CLDN2: variants seen among roughly 807,000 people sequenced by gnomAD.
The protein encoded by CLDN2 is claudin-2.
CLDN2 carries 1 observed loss-of-function variant against 8.2 expected under a neutral mutation model. That is an observed-to-expected ratio of 0.12 (90% confidence interval 0.04 to 0.58). CLDN2 has a LOEUF of 0.58. Ranked by LOEUF, CLDN2 falls within the 20% of genes least tolerant of loss-of-function variation. The probability of loss-of-function intolerance (pLI) is 0.90; values close to 1 mark genes in which losing one functional copy is unlikely to be tolerated. For missense variants in CLDN2, 108 were observed against 172.9 expected, an observed-to-expected ratio of 0.62 and a Z score of 2.11; for synonymous variants, 70 against 70.2, an observed-to-expected ratio of 1.00 and a Z score of 0.01.
rs371828879 is a variant in CLDN2, at chrX:106,903,281, A to G, written c.-179+2777A>G. 6.7e-5 allele frequency: 80 copies of G among 1,200,371 alleles called. No individual in the cohort carries two copies. The Middle Eastern group carries it at 8.1e-4, about 12-fold the overall frequency. On this transcript the variant is annotated intron_variant, in intron 1 of 1. Transcript: ENST00000541806. ...GTGGCAGCAGCAGCACAGGCAGCAG[A>G]GTCCATTCTTAGGGGACCAAAGCCA...
At chrX:106,903,334 CT>C in intron 1 of CLDN2, 1 of 1,136,210 alleles carries the variant, frequency 8.8e-7, no homozygotes, top group Non-Finnish European at 1.2e-6. Context: ...CCAGAACCTT[CT>C]GCACTCTTTT....
In CLDN2 at chrX:106,928,507, G is replaced by A; in HGVS notation, c.279G>A (p.Leu93=). 8.3e-7 allele frequency: 1 copy of A among 1,211,696 alleles called. No homozygotes were observed. The highest frequency in any genetic ancestry group is 1.1e-6 in the Non-Finnish European group (1 of 895,517). Residue 93 remains leucine (L), a synonymous_variant, in exon 2 of 2, where the codon CTG becomes CTA. Coordinates refer to ENST00000336803, the MANE Select transcript of CLDN2 (RefSeq NM_020384.4). The stretch of plus-strand genomic sequence containing the variant: ...TGACATCCAGTGCAATCTCCTCCCT[G>A]GCCTGCATTATCTCTGTGGTGGGCA... ...MMVTSSAISS[L]ACIISVVGMR...
chrX:106,906,306 G>A (rs901320415), intron 1 of CLDN2, among the ~76,000 whole-genome samples: 2 of 110,957 alleles, frequency 1.8e-5, no homozygotes, highest in African/African-American at 3.3e-5. Flanking sequence ...CCTAGCTAAC[G>A]GACAGACAGG....
intron 1 of CLDN2, among the ~76,000 whole-genome samples, chrX:106,913,270 T>G (rs1933268713): frequency 9.0e-6 from 1 of 111,557 alleles, no homozygotes; most frequent in Non-Finnish European, 1.9e-5. Flanking sequence ...AATTTTTGTA[T>G]TTTTTCTACA....
At chrX:106,916,010 A>T (rs1933305201), upstream of CLDN2, among the ~76,000 whole-genome samples, 2 of 107,741 alleles carry the variant, frequency 1.9e-5, no homozygotes, top group South Asian at 8.5e-4. Flanking sequence ...CCCCCATGAC[A>T]TGTTTACCTA....
upstream of CLDN2, among the ~76,000 whole-genome samples, chrX:106,914,315 A>T (rs1933285638): frequency 9.0e-6 from 1 of 111,164 alleles, no homozygotes; most frequent in Non-Finnish European, 1.9e-5. Context: ...TCCCTTTGCC[A>T]TATAACTAAC....
intron 1 of CLDN2, chrX:106,902,183 G>A: frequency 8.4e-7 from 1 of 1,191,651 alleles, no homozygotes; most frequent in South Asian, 1.9e-5. Context: ...GTCATTTGTG[G>A]AAGACAGCCA....
chrX:106,928,543 A>C lies in CLDN2; in HGVS notation c.315A>C (p.Thr105=). 8.3e-7 allele frequency: 1 copy of C among 1,211,744 alleles called. No individual in the cohort carries two copies. Among genetic ancestry groups the C allele is most frequent in the Non-Finnish European group, 1.1e-6 (1 of 895,417 alleles). ...CIISVVGMRC[T]VFCQESRAKD... ...TCTCTGTGGTGGGCATGAGATGCAC[A>C]GTCTTCTGCCAGGAATCCCGAGCCA... Residue 105 remains threonine (T), a synonymous_variant, in exon 2 of 2, where the codon ACA becomes ACC. Transcript: ENST00000336803.
intron 1 of CLDN2, among the ~76,000 whole-genome samples, chrX:106,924,262 A>G (rs1399264282): frequency 9.0e-6 from 1 of 111,045 alleles, no homozygotes; most frequent in Non-Finnish European, 1.9e-5. Context: ...TGATCAAGAT[A>G]GGAGTAATAG....
At chrX:106,924,992 T>C (rs894195500) in intron 1 of CLDN2, among the ~76,000 whole-genome samples, 5 of 110,832 alleles carry the variant, frequency 4.5e-5, no homozygotes, top group African/African-American at 1.6e-4. Context: ...GATAAAGCAG[T>C]ATGTAAGGCA....
At chrX:106,924,761 A>G (rs976023056) in intron 1 of CLDN2, among the ~76,000 whole-genome samples, 1 of 107,073 alleles carries the variant, frequency 9.3e-6, no homozygotes, top group African/African-American at 3.4e-5. Flanking sequence ...TACATAGTGA[A>G]GCTCTGCTGT....
At chrX:106,927,270 G>C (rs1012287849) in intron 1 of CLDN2, among the ~76,000 whole-genome samples, 2 of 110,793 alleles carry the variant, frequency 1.8e-5, no homozygotes, top group East Asian at 5.7e-4. Context: ...CTATATTCTA[G>C]AGCAGTTTCC....
At chrX:106,902,145 C>T in intron 1 of CLDN2, 2 of 1,194,190 alleles carry the variant, frequency 1.7e-6, no homozygotes, top group Non-Finnish European at 2.3e-6. Context: ...CTCACCAAAT[C>T]CACCAGCTTC....
At chrX:106,923,125 C>A (rs1933416627) in intron 1 of CLDN2, among the ~76,000 whole-genome samples, 1 of 111,285 alleles carries the variant, frequency 9.0e-6, no homozygotes, top group African/African-American at 3.3e-5. Flanking sequence ...CAGGCACATG[C>A]CACCACGCCC....
At chrX:106,922,022 G>A (rs1180939228) in intron 1 of CLDN2, among the ~76,000 whole-genome samples, 1 of 112,173 alleles carries the variant, frequency 8.9e-6, no homozygotes, top group African/African-American at 3.2e-5. Context: ...AAAAATCTTG[G>A]AGATGACAAA....
At chrX:106,903,057 G>A in intron 1 of CLDN2, 1 of 1,105,451 alleles carries the variant, frequency 9.0e-7, no homozygotes, top group South Asian at 1.9e-5. Flanking sequence ...GGGTGCCCTG[G>A]ACATCTCATT....
At chrX:106,920,315 T>G (rs1423521947), upstream of CLDN2, 32 of 109,138 alleles carry the variant, frequency 2.9e-4, no homozygotes, top group African/African-American at 1.0e-3. Context: ...ACCTTTTTTT[T>G]TTTTTTTCTA....
intron 1 of CLDN2, chrX:106,900,909 C>T: frequency 8.3e-7 from 1 of 1,208,244 alleles, no homozygotes; most frequent in Non-Finnish European, 1.1e-6. Flanking sequence ...CCAGAAGAGC[C>T]TGTGGACAGA....
chrX:106,919,680 A>T (rs1030422800), upstream of CLDN2, among the ~76,000 whole-genome samples: 2 of 111,802 alleles, frequency 1.8e-5, no homozygotes, highest in Non-Finnish European at 3.8e-5. Flanking sequence ...GACAAGGTTT[A>T]ACCGCGTTGG....
Sources: gnomAD v4.1 joint callset for allele counts (sites outside exome capture counted in the v4.1 genomes callset) on GRCh38, gnomAD v4.1.1 for gene constraint, MANE v1.5 for transcripts, NCBI Gene and HGNC (gene_info 2026-07-23, HGNC 2026-07-21) for gene names.